SEM1: variants seen among roughly 807,000 people sequenced by gnomAD.
SEM1 encodes 26S proteasome complex subunit SEM1.
SEM1 carries 3 observed loss-of-function variants against 12.7 expected under a neutral mutation model. The ratio of observed to expected loss-of-function variants is 0.24; its 90% CI spans 0.11 to 0.61. The LOEUF (loss-of-function observed/expected upper bound fraction) is 0.61. SEM1 is among the 20% of genes least tolerant of loss of function. The probability of loss-of-function intolerance (pLI) is 0.88; values close to 1 mark genes in which losing one functional copy is unlikely to be tolerated. For missense variants in SEM1, 59 were observed against 81.3 expected, an observed-to-expected ratio of 0.73 and a Z score of 1.06; for synonymous variants, 30 against 27.8, an observed-to-expected ratio of 1.08 and a Z score of -0.25.
At chr7:96,517,366 T>C (rs533543063) in intron 2 of SEM1, among the ~76,000 whole-genome samples, 1 of 152,264 alleles carries the variant, frequency 6.6e-6, no homozygotes, top group South Asian at 2.1e-4. Context: ...TCAATTTTGA[T>C]GCAAAGGTAA....
intron 2 of SEM1, among the ~76,000 whole-genome samples, chr7:96,519,090 T>C (rs1222202257): frequency 2.6e-5 from 4 of 152,136 alleles, no homozygotes; most frequent in African/African-American, 7.2e-5. Flanking sequence ...TTTCACATTT[T>C]ATCAAGATAT....
At chr7:96,553,162 G>C (rs1047303413) in intron 2 of SEM1, among the ~76,000 whole-genome samples, 1 of 151,238 alleles carries the variant, frequency 6.6e-6, no homozygotes, top group Non-Finnish European at 1.5e-5. Context: ...CACTCTGATG[G>C]TAGTTTCTTT....
chr7:96,593,706 A>C (rs1806907722), intron 2 of SEM1, among the ~76,000 whole-genome samples: 3 of 152,206 alleles, frequency 2.0e-5, no homozygotes, highest in Non-Finnish European at 4.4e-5. Flanking sequence ...TATCAAAGTG[A>C]TATTTTCCTT....
chr7:96,643,345 ATTT>A (rs1174459920), intron 2 of SEM1, among the ~76,000 whole-genome samples: 2 of 151,448 alleles, frequency 1.3e-5, no homozygotes, highest in Non-Finnish European at 1.5e-5. Flanking sequence ...CTTTATTTTT[ATTT>A]ATTTTTAATT....
downstream of SEM1, among the ~76,000 whole-genome samples, chr7:96,671,723 A>T (rs1789322257): frequency 6.6e-6 from 1 of 152,232 alleles, no homozygotes; most frequent in Non-Finnish European, 1.5e-5. Flanking sequence ...GAAACTAAAT[A>T]AGCAAAGTTG....
exon 3 of SEM1, chr7:96,673,536 C>G (rs1243943996): frequency 3.7e-6 from 2 of 534,000 alleles, no homozygotes; most frequent in African/African-American, 3.8e-5. Flanking sequence ...CTCTTACTAC[C>G]CAACAATACT....
chr7:96,648,020 G>A (rs917983948), intron 2 of SEM1, among the ~76,000 whole-genome samples: 28 of 152,166 alleles, frequency 1.8e-4, no homozygotes, highest in African/African-American at 6.5e-4. Flanking sequence ...GGTGCTGAAA[G>A]GATCTTAAGT....
At chr7:96,543,759 A>C (rs1395101958) in intron 2 of SEM1, among the ~76,000 whole-genome samples, 1 of 152,030 alleles carries the variant, frequency 6.6e-6, no homozygotes, top group Non-Finnish European at 1.5e-5. Flanking sequence ...AAATACATGC[A>C]GACTTGTGAT....
chr7:96,639,409 A>T (rs1357047668), intron 2 of SEM1, among the ~76,000 whole-genome samples: 1 of 151,978 alleles, frequency 6.6e-6, no homozygotes, highest in Non-Finnish European at 1.5e-5. Context: ...AACAGAATAG[A>T]TTACCCAGAA....
intron 2 of SEM1, among the ~76,000 whole-genome samples, chr7:96,608,695 C>A (rs1411867613): frequency 6.6e-6 from 1 of 152,080 alleles, no homozygotes; most frequent in Non-Finnish European, 1.5e-5. Flanking sequence ...TTCTGACTGG[C>A]TTTTTTACTT....
chr7:96,700,737 T>C (rs914307715), intron 1 of SEM1, among the ~76,000 whole-genome samples: 2 of 152,188 alleles, frequency 1.3e-5, no homozygotes, highest in African/African-American at 2.4e-5. Context: ...GCTCATTCCA[T>C]AGAACCAATG....
intron 2 of SEM1, chr7:96,649,233 AG>A (rs1263465639): frequency 2.0e-5 from 3 of 152,232 alleles, no homozygotes; most frequent in Non-Finnish European, 2.9e-5. Flanking sequence ...CAATATGTAC[AG>A]ATGGTTTAAT....
intron 2 of SEM1, among the ~76,000 whole-genome samples, chr7:96,522,681 C>G (rs1211878242): frequency 6.6e-6 from 1 of 150,810 alleles, no homozygotes; most frequent in Non-Finnish European, 1.5e-5. Flanking sequence ...AGTTCGAGAC[C>G]AGCCTGACCA....
chr7:96,507,788 A>G (rs1803804386), intron 2 of SEM1, among the ~76,000 whole-genome samples: 1 of 152,102 alleles, frequency 6.6e-6, no homozygotes, highest in Non-Finnish European at 1.5e-5. Context: ...CCAGAAATGC[A>G]AAGATCTCTG....
At chr7:96,500,213 A>T (rs547268157), upstream of SEM1, among the ~76,000 whole-genome samples, 16 of 151,768 alleles carry the variant, frequency 1.1e-4, no homozygotes, top group South Asian at 3.3e-3. Flanking sequence ...CACCCAGGGC[A>T]GTCTTGAGAA....
chr7:96,564,236 T>C (rs1279004845), intron 2 of SEM1, among the ~76,000 whole-genome samples: 3 of 152,042 alleles, frequency 2.0e-5, no homozygotes, highest in African/African-American at 4.8e-5. Flanking sequence ...TATTTATAAG[T>C]CTTTATCTTA....
At chr7:96,700,601 G>T (rs1376296256) in intron 1 of SEM1, among the ~76,000 whole-genome samples, 1 of 152,146 alleles carries the variant, frequency 6.6e-6, no homozygotes, top group Non-Finnish European at 1.5e-5. Flanking sequence ...AGGGTCAACT[G>T]TATACAGTTT....
downstream of SEM1, among the ~76,000 whole-genome samples, chr7:96,669,315 G>T (rs183997543): frequency 6.6e-6 from 1 of 152,152 alleles, no homozygotes; most frequent in East Asian, 1.9e-4. Flanking sequence ...TGCAAGTTAC[G>T]TAGTCTCTGT....
At chr7:96,608,812 C>T (rs1185740473) in intron 2 of SEM1, among the ~76,000 whole-genome samples, 1 of 152,180 alleles carries the variant, frequency 6.6e-6, no homozygotes, top group Non-Finnish European at 1.5e-5. Context: ...TTTTGTTTAT[C>T]CCTTCATCAA....
Sources: gnomAD v4.1 joint callset for allele counts (sites outside exome capture counted in the v4.1 genomes callset) on GRCh38, gnomAD v4.1.1 for gene constraint, MANE v1.5 for transcripts, NCBI Gene and HGNC (gene_info 2026-07-23, HGNC 2026-07-21) for gene names.